Variants in FAM241A observed in about 807,000 individuals in gnomAD.
FAM241A encodes the protein uncharacterized protein FAM241A.
A neutral mutation model predicts 12.2 loss-of-function variants in FAM241A; 7 were observed. The observed-to-expected ratio is 0.58, with a 90% CI of 0.33 to 1.08. The LOEUF is 1.08. Among genes scored for constraint, FAM241A ranks in the 50% least tolerant of loss-of-function variants. FAM241A has a pLI of 0.04. For synonymous variants in FAM241A, 74 were observed against 68.2 expected, an observed-to-expected ratio of 1.08 and a Z score of -0.42; for missense variants, 161 against 169.7, an observed-to-expected ratio of 0.95 and a Z score of 0.29.
chr4:112,191,618 CTTCT>C lies in FAM241A; in HGVS notation c.*4683_*4686del, dbSNP rs1350364452. ...CTTCCAGAACTTTGTACATGCTTTA[CTTCT>C]TTAACTGCTCCCTACCAGACTGACC... On this transcript the variant is annotated 3_prime_UTR_variant, in exon 2 of 2. Transcript: ENST00000309733. 1.3e-5 allele frequency: 2 copies of C among 152,154 alleles called. No homozygotes were observed. The highest frequency in any genetic ancestry group is 3.9e-4 in the East Asian group (2 of 5,190). The allele number at this position is 152,154 out of a possible 1,614,324, so 9.4% of individuals were successfully genotyped here. A position where few individuals can be genotyped will look rare whatever the true frequency, so the allele number is the denominator to read the frequency against.
At chr4:112,179,840 A>C (rs1441761475) in intron 1 of FAM241A, among the ~76,000 whole-genome samples, 1 of 148,454 alleles carries the variant, frequency 6.7e-6, no homozygotes, top group African/African-American at 2.5e-5. Context: ...TATGTTCATC[A>C]TAGTGCTATT....
Position 112,186,804 on chromosome 4 carries a change from A to G in FAM241A, c.265A>G (p.Arg89Gly). The change falls in exon 2 of 2, where the codon AGG becomes GGG. Residue 89 changes from arginine to glycine, a missense_variant. Arg to Gly is a moderately radical substitution (Grantham distance 125, BLOSUM62 -2). Coordinates refer to ENST00000309733, the MANE Select transcript of FAM241A (RefSeq NM_152400.3). Reference protein sequence around the residue: ...NKNLINMGFTRMYFGERIVEP... With the variant: ...NKNLINMGFTGMYFGERIVEP... ...AAACCTTATCAACATGGGCTTCACA[A>G]GGATGTATTTTGGAGAACGAATAGT... The G allele has an allele frequency of 6.2e-7, 1 of 1,614,078 alleles. No individual in the cohort carries two copies. Among genetic ancestry groups the G allele is most frequent in the Non-Finnish European group, 8.5e-7 (1 of 1,179,988 alleles).
intron 1 of FAM241A, among the ~76,000 whole-genome samples, chr4:112,168,401 T>A (rs1723644626): frequency 6.6e-6 from 1 of 152,112 alleles, no homozygotes; most frequent in African/African-American, 2.4e-5. Flanking sequence ...ATTTCAGAAC[T>A]CCAAAGAAAA....
intron 1 of FAM241A, among the ~76,000 whole-genome samples, chr4:112,184,163 G>A (rs1430929806): frequency 6.6e-6 from 1 of 152,192 alleles, no homozygotes; most frequent in Non-Finnish European, 1.5e-5. Context: ...GAACTCCCTA[G>A]ATAACTCTAC....
intron 1 of FAM241A, among the ~76,000 whole-genome samples, chr4:112,163,288 CA>C (rs1202576216): frequency 1.3e-5 from 2 of 152,162 alleles, no homozygotes; most frequent in African/African-American, 4.8e-5. Context: ...GCAATGGCAA[CA>C]AAAGCCAAAA....
Position 112,186,994 on chromosome 4 carries a change from G to T in FAM241A, c.*56G>T. ...GGTAGCCATATATGTAATTGAAGAA[G>T]TTATATATTTCACTTTTTGACAACC... On this transcript the variant is annotated 3_prime_UTR_variant, in exon 2 of 2. Transcript: ENST00000309733. 2 of 1,545,798 alleles carry T rather than the reference G, an allele frequency of 1.3e-6. No individual in the cohort carries two copies. Among genetic ancestry groups the T allele is most frequent in the South Asian group, 2.5e-5 (2 of 80,640 alleles).
At chr4:112,148,261 C>G (rs1162404981) in intron 1 of FAM241A, among the ~76,000 whole-genome samples, 4 of 152,018 alleles carry the variant, frequency 2.6e-5, no homozygotes, top group Non-Finnish European at 5.9e-5. Context: ...AGGTTCATTC[C>G]TTTTCCTCAA....
chr4:112,149,966 T>C (rs1044105228), intron 1 of FAM241A, among the ~76,000 whole-genome samples: 1 of 152,106 alleles, frequency 6.6e-6, no homozygotes, highest in Non-Finnish European at 1.5e-5. Context: ...ATTTTTTTGG[T>C]AATTTCGTAT....
intron 1 of FAM241A, among the ~76,000 whole-genome samples, chr4:112,154,485 T>C (rs1434488896): frequency 6.6e-6 from 1 of 151,968 alleles, no homozygotes; most frequent in Admixed American, 6.6e-5. Context: ...CCAGGCTGGT[T>C]ATGAACTTCT....
At chr4:112,178,341 A>C (rs1201315695) in intron 1 of FAM241A, among the ~76,000 whole-genome samples, 1 of 152,184 alleles carries the variant, frequency 6.6e-6, no homozygotes, top group Non-Finnish European at 1.5e-5. Flanking sequence ...TCTTAAATAC[A>C]GAGAACTTTT....
intron 1 of FAM241A, among the ~76,000 whole-genome samples, chr4:112,177,187 T>C (rs1723839947): frequency 6.6e-6 from 1 of 152,196 alleles, no homozygotes; most frequent in Non-Finnish European, 1.5e-5. Context: ...GCAACTTTTC[T>C]GCTTGAATAC....
At position 112,182,573 on chromosome 4, in the gene FAM241A, C is replaced by T. The variant is rs186780541; in HGVS notation, c.154-4120C>T. ...AGGGATCAAACTCATCGACTATAAC[C>T]GTGCAGGCCTTTACCTCAACTTATT... On this transcript the variant is annotated intron_variant, in intron 1 of 1. Transcript: ENST00000309733. 1.3e-4 allele frequency among the ~76,000 whole-genome samples: 20 copies of T among 152,184 alleles called. No homozygotes were observed. In the East Asian group the frequency reaches 2.9e-3, roughly 22 times the overall value.
At chr4:112,174,680 A>G (rs1723785328) in intron 1 of FAM241A, among the ~76,000 whole-genome samples, 2 of 152,166 alleles carry the variant, frequency 1.3e-5, no homozygotes, top group Admixed American at 1.3e-4. Flanking sequence ...ATCAAAGTCA[A>G]CTGTGAGAAT....
intron 1 of FAM241A, among the ~76,000 whole-genome samples, chr4:112,150,180 T>C (rs1723220130): frequency 6.6e-6 from 1 of 152,102 alleles, no homozygotes; most frequent in Non-Finnish European, 1.5e-5. Context: ...TTTTTTGTCC[T>C]AATCATTGAA....
rs185009312 is a variant in FAM241A, at chr4:112,176,606, A to G, written c.154-10087A>G. ...GACTGTGCTTTAATTATCTTTGAAG[A>G]TGCTTCTCAAAAATCCAGTGATTAC... On this transcript the variant is annotated intron_variant, in intron 1 of 1. Transcript: ENST00000309733. Among the ~76,000 whole-genome samples, 312 of 152,322 alleles carry G rather than the reference A, an allele frequency of 2.0e-3. 1 individual carries two copies. Among genetic ancestry groups the G allele is most frequent in the African/African-American group, 7.2e-3 (299 of 41,590 alleles).
At chr4:112,169,039 C>T (rs1723658329) in intron 1 of FAM241A, among the ~76,000 whole-genome samples, 1 of 152,162 alleles carries the variant, frequency 6.6e-6, no homozygotes, top group Non-Finnish European at 1.5e-5. Context: ...ACAGCATAAG[C>T]AAAATAGTCT....
Position 112,179,914 on chromosome 4 carries a change from GATATATATAT to G in FAM241A, c.154-6764_154-6755del, listed in dbSNP as rs34513702. Among the ~76,000 whole-genome samples the G allele has an allele frequency of 2.6e-3, 302 of 117,774 alleles. 7 individuals carry two copies. The highest frequency in any genetic ancestry group is 2.0e-3 in the Non-Finnish European group (118 of 59,160). 77.3% of individuals were successfully genotyped at this position (117,774 alleles called of 152,430 possible). On this transcript the variant is annotated intron_variant, in intron 1 of 1. Transcript: ENST00000309733. The stretch of plus-strand genomic sequence containing the variant: ...ATGGTGGATTGCATAAAGAAAATGT[GATATATATAT>G]ATATATATATATATGTATATGTGTG...
chr4:112,164,540 A>G (rs1263185257), intron 1 of FAM241A, among the ~76,000 whole-genome samples: 3 of 152,226 alleles, frequency 2.0e-5, no homozygotes, highest in Non-Finnish European at 4.4e-5. Context: ...TGGCACATGT[A>G]TACATATGTA....
At position 112,186,851 on chromosome 4, in the gene FAM241A, C is replaced by G; in HGVS notation, c.312C>G (p.Phe104Leu). The G allele has an allele frequency of 1.2e-6, 2 of 1,613,956 alleles. No individual in the cohort carries two copies. Among genetic ancestry groups the G allele is most frequent in the South Asian group, 2.2e-5 (2 of 91,078 alleles). ...TAGTGGAACCAGTAATAGTCATTTT[C>G]TTTTGGGTTATGCTGTGGTTCCTTG... ...ERIVEPVIVIFFWVMLWFLGL... is the reference protein window; with the variant it reads ...ERIVEPVIVILFWVMLWFLGL... Residue 104 changes from phenylalanine (F) to leucine (L), a missense_variant, in exon 2 of 2, where the codon TTC becomes TTG. Coordinates refer to ENST00000309733, the MANE Select transcript of FAM241A (RefSeq NM_152400.3).
Sources: gnomAD v4.1 joint callset for allele counts (sites outside exome capture counted in the v4.1 genomes callset) on GRCh38, gnomAD v4.1.1 for gene constraint, MANE v1.5 for transcripts, NCBI Gene and HGNC (gene_info 2026-07-23, HGNC 2026-07-21) for gene names.